Variants in TBC1D23 observed in about 807,000 individuals in gnomAD.
The protein encoded by TBC1D23 is HCV non-structural protein 4A-transactivated protein 1.
TBC1D23 carries 55 observed loss-of-function variants against 91.4 expected under a neutral mutation model. The observed-to-expected ratio is 0.60, with a 90% CI of 0.48 to 0.75. TBC1D23 has a LOEUF of 0.75. Among genes scored for constraint, TBC1D23 ranks in the 30% least tolerant of loss-of-function variants. The pLI is 0.00. For missense variants in TBC1D23, 725 were observed against 836.1 expected, an observed-to-expected ratio of 0.87 and a Z score of 1.64; for synonymous variants, 289 against 281.0, an observed-to-expected ratio of 1.03 and a Z score of -0.28.
intron 1 of TBC1D23, among the ~76,000 whole-genome samples, chr3:100,278,663 C>G (rs1021312039): frequency 6.6e-6 from 1 of 152,108 alleles, no homozygotes; most frequent in Non-Finnish European, 1.5e-5. Context: ...GGATTACAGG[C>G]GTGAGCCACT....
intron 4 of TBC1D23, among the ~76,000 whole-genome samples, chr3:100,285,296 A>G (rs926667197): frequency 2.0e-5 from 3 of 152,188 alleles, no homozygotes; most frequent in African/African-American, 7.2e-5. Context: ...TTTTCCCCCA[A>G]AATGGGGGGA....
intron 4 of TBC1D23, among the ~76,000 whole-genome samples, chr3:100,290,158 C>G (rs901454474): frequency 1.3e-5 from 2 of 152,182 alleles, no homozygotes; most frequent in Non-Finnish European, 2.9e-5. Context: ...CCATTTCAGA[C>G]TTGTACTTTG....
At chr3:100,277,456 G>A (rs1282853844) in intron 1 of TBC1D23, among the ~76,000 whole-genome samples, 2 of 152,202 alleles carry the variant, frequency 1.3e-5, no homozygotes, top group Admixed American at 6.5e-5. Context: ...CCTGGAGACA[G>A]CATCAAAGAC....
At chr3:100,289,040 C>G (rs2067767220) in intron 4 of TBC1D23, among the ~76,000 whole-genome samples, 1 of 151,972 alleles carries the variant, frequency 6.6e-6, no homozygotes, top group South Asian at 2.1e-4. Context: ...ATGAAGAAAC[C>G]CTGTCTCTAC....
Position 100,320,896 on chromosome 3 carries a change from A to G in TBC1D23, c.1943A>G (p.Lys648Arg), listed in dbSNP as rs768789433. 1.1e-5 allele frequency: 17 copies of G among 1,613,288 alleles called. No individual in the cohort carries two copies. Among genetic ancestry groups the G allele is most frequent in the Non-Finnish European group, 1.4e-5 (17 of 1,179,728 alleles). Residue 648 changes from lysine (K) to arginine (R), a missense_variant, in exon 18 of 19, where the codon AAA becomes AGA. Physicochemically the swap from Lys to Arg is conservative, Grantham distance 26. Transcript: ENST00000394144. ...LNSVVKITSK[K>R]KHPELITFKY... ...TCTGTAGTTAAAATTACATCCAAAA[A>G]AAAACATCCTGAACTCATTACCTTC... is the stretch of plus-strand genomic sequence containing the variant.
intron 4 of TBC1D23, among the ~76,000 whole-genome samples, chr3:100,284,967 C>T (rs1238532451): frequency 3.3e-5 from 5 of 152,146 alleles, no homozygotes; most frequent in South Asian, 2.1e-4. Flanking sequence ...GGTGGAGAAC[C>T]GCTAATCTGG....
chr3:100,323,542 T>A, intron 18 of TBC1D23, 45 bp from the exon 19 acceptor site: 1 of 942,296 alleles, frequency 1.1e-6, no homozygotes, highest in Non-Finnish European at 1.4e-6. Context: ...TACATATACA[T>A]ATGTATATAT....
intron 1 of TBC1D23, among the ~76,000 whole-genome samples, chr3:100,271,056 A>G (rs950444507): frequency 6.6e-6 from 1 of 152,212 alleles, no homozygotes; most frequent in African/African-American, 2.4e-5. Flanking sequence ...CTTAGTTGAT[A>G]GACTGAGAGG....
intron 10 of TBC1D23, 182 bp from the exon 11 acceptor site, chr3:100,301,885 T>C (rs1441605012): frequency 3.6e-6 from 2 of 548,694 alleles, no homozygotes; most frequent in African/African-American, 3.9e-5. Context: ...TCTATTGTAT[T>C]ATAGATACAT....
chr3:100,283,571 C>A, intron 3 of TBC1D23, 36 bp from the exon 4 acceptor site: 5 of 1,459,116 alleles, frequency 3.4e-6, no homozygotes, highest in South Asian at 1.2e-5. Flanking sequence ...CCCTGACAGG[C>A]CCTCAGTAAC....
chr3:100,296,087 T>G (rs1168445025), intron 7 of TBC1D23, 85 bp from the exon 8 acceptor site: 3 of 707,298 alleles, frequency 4.2e-6, no homozygotes, highest in Non-Finnish European at 7.1e-6. Context: ...GCATAGTATT[T>G]ATGATGAAGA....
intron 1 of TBC1D23, among the ~76,000 whole-genome samples, chr3:100,262,723 CAAAA>C (rs1174689237): frequency 1.9e-5 from 1 of 51,422 alleles, no homozygotes; most frequent in Non-Finnish European, 3.5e-5. Flanking sequence ...GGCTCGGTCT[CAAAA>C]AAAAAAAAAA....
intron 12 of TBC1D23, among the ~76,000 whole-genome samples, chr3:100,305,881 C>T (rs1705508774): frequency 6.6e-6 from 1 of 152,160 alleles, no homozygotes; most frequent in South Asian, 2.1e-4. Flanking sequence ...CGATATAAAA[C>T]TTGATTATTA....
chr3:100,272,717 G>A (rs1277731391), intron 1 of TBC1D23, among the ~76,000 whole-genome samples: 492 of 131,568 alleles, frequency 3.7e-3, no homozygotes, highest in South Asian at 9.2e-3. Context: ...CAGGGTCATA[G>A]GATAATAGTG....
Position 100,306,603 on chromosome 3 carries a change from A to G in TBC1D23, c.1413+60A>G, listed in dbSNP as rs1705522512. The G allele has an allele frequency of 2.3e-5, 22 of 951,450 alleles. No individual in the cohort carries two copies. In the East Asian group the frequency reaches 5.4e-4, roughly 23 times the overall value. 58.9% of individuals were successfully genotyped at this position (951,450 alleles called of 1,614,324 possible). On this transcript the variant is annotated intron_variant, in intron 13 of 18. Coordinates refer to ENST00000394144, the MANE Select transcript of TBC1D23 (RefSeq NM_001199198.3). ...GATAAGTTCCCAGAAAAGGTGATTA[A>G]CTACTAAACCCCCACCATAACAGAA...
Position 100,306,470 on chromosome 3 carries a change from A to C in TBC1D23, c.1340A>C (p.Asp447Ala), listed in dbSNP as rs1705520199. Residue 447 changes from aspartate to alanine, a missense_variant, in exon 13 of 19, where the codon GAT becomes GCT. Asp to Ala is a moderately radical substitution (Grantham distance 126). Coordinates refer to ENST00000394144, the MANE Select transcript of TBC1D23 (RefSeq NM_001199198.3). ...CAGCACCTGGCAGACATTAATGTGG[A>C]TGGACCAGAAAATGGATATGGCCAT... is the stretch of plus-strand genomic sequence containing the variant. The part of the protein sequence containing the change: ...LQQHLADINV[D>A]GPENGYGHWI... 6.2e-7 allele frequency: 1 copy of C among 1,612,514 alleles called. No individual in the cohort carries two copies. The highest frequency in any genetic ancestry group is 1.3e-5 in the African/African-American group (1 of 74,816).
chr3:100,267,197 A>G (rs1311330748), intron 1 of TBC1D23: 2 of 439,758 alleles, frequency 4.5e-6, no homozygotes, highest in Admixed American at 2.5e-5. Flanking sequence ...CAGTTTGAAA[A>G]GGGGCAGGGC....
intron 1 of TBC1D23, among the ~76,000 whole-genome samples, chr3:100,275,098 T>C (rs2067637701): frequency 6.6e-6 from 1 of 152,170 alleles, no homozygotes; most frequent in Non-Finnish European, 1.5e-5. Context: ...TTTGTGGAAC[T>C]GTCATACCGT....
At chr3:100,293,298 T>C (rs1046428743) in intron 5 of TBC1D23, among the ~76,000 whole-genome samples, 2 of 152,094 alleles carry the variant, frequency 1.3e-5, no homozygotes, top group Non-Finnish European at 2.9e-5. Flanking sequence ...CACACCCGGC[T>C]AATTTTTTGT....
Sources: allele counts gnomAD v4.1 joint callset (sites outside exome capture counted in the v4.1 genomes callset), GRCh38; gene constraint gnomAD v4.1.1; transcripts MANE v1.5; gene names NCBI Gene and HGNC (gene_info 2026-07-23, HGNC 2026-07-21).